Variants in PCGF2 observed in about 807,000 individuals in gnomAD.
PCGF2 encodes polycomb group ring finger 2.
PCGF2 carries 8 observed loss-of-function variants against 36.1 expected under a neutral mutation model. The observed-to-expected ratio is 0.22, with a 90% CI of 0.13 to 0.40. The LOEUF is 0.40. Ranked by LOEUF, PCGF2 falls within the 10% of genes least tolerant of loss-of-function variation. The pLI, the probability that PCGF2 is intolerant of heterozygous loss-of-function variation, is 1.00. For synonymous variants in PCGF2, 198 were observed against 191.2 expected, an observed-to-expected ratio of 1.04 and a Z score of -0.29; for missense variants, 436 against 475.9, an observed-to-expected ratio of 0.92 and a Z score of 0.78.
Position 38,735,541 on chromosome 17 carries a change from G to T in PCGF2, c.717C>A (p.Ala239=). 6.3e-7 allele frequency: 1 copy of T among 1,588,566 alleles called. No homozygotes were observed. The highest frequency in any genetic ancestry group is 2.3e-5 in the East Asian group (1 of 43,656). The change falls in exon 11 of 11, where the codon GCC becomes GCA. Residue 239 remains alanine (A), a synonymous_variant. Transcript: ENST00000620225. The stretch of plus-strand genomic sequence containing the variant: ...TGCCCTCGGAGGGGGTGGGCACCGT[G>T]GCTAGGGTGAGCCGCTTGCAGGCTG... ...VQPACKRLTL[A]TVPTPSEGTN...
intron 8 of PCGF2, 21 bp from the exon 9 acceptor site, chr17:38,738,469 A>C: frequency 6.2e-7 from 1 of 1,613,696 alleles, no homozygotes; most frequent in Middle Eastern, 1.6e-4. Flanking sequence ...ACAGGCACCC[A>C]TGGTAGGGGA....
chr17:38,742,599 C>G (rs1038658664), intron 2 of PCGF2, among the ~76,000 whole-genome samples: 8 of 152,128 alleles, frequency 5.3e-5, no homozygotes, highest in African/African-American at 1.4e-4. Flanking sequence ...TCCCACCCCA[C>G]GCAGGGTGGC....
chr17:38,749,458 G>A (rs1907780060), upstream of PCGF2: 2 of 359,044 alleles, frequency 5.6e-6, no homozygotes, highest in Admixed American at 3.0e-5. This position sits in a 1 kb window ranked among gnomAD's most constrained non-coding sequence, Gnocchi z 6.5. Flanking sequence ...GGCCGACGCC[G>A]GGGAAGCGAA....
At chr17:38,737,547 A>G (rs542531785) in intron 9 of PCGF2, among the ~76,000 whole-genome samples, 2 of 152,234 alleles carry the variant, frequency 1.3e-5, no homozygotes, top group Non-Finnish European at 2.9e-5. Context: ...ATGAGATTTA[A>G]CAGGCAACAG....
At chr17:38,743,426 G>GC in intron 2 of PCGF2, among the ~76,000 whole-genome samples, 1 of 151,682 alleles carries the variant, frequency 6.6e-6, no homozygotes, top group East Asian at 1.9e-4. Flanking sequence ...ACAGCCGAGA[G>GC]CCCCACACTG....
rs1172983036 is a variant in PCGF2 at position 38,739,518 on chromosome 17, A to T, written c.209+68T>A. ...GCCGCCTTGGCTGAAGGAAGCACGG[A>T]GCGTGGGAGGGATGGGGGAGGCTGA... On this transcript the variant is annotated intron_variant, in intron 4 of 10. Coordinates refer to ENST00000620225, the MANE Select transcript of PCGF2 (RefSeq NM_007144.3). This position sits in a 1 kb window ranked among gnomAD's most constrained non-coding sequence, Gnocchi z 4.0. 1 of 1,247,930 alleles carries T rather than the reference A, an allele frequency of 8.0e-7. No homozygotes were observed. The allele number at this position is 1,247,930 out of a possible 1,614,324, so 77.3% of individuals were successfully genotyped here. A position where few individuals can be genotyped will look rare whatever the true frequency, so the allele number is the denominator to read the frequency against.
intron 2 of PCGF2, among the ~76,000 whole-genome samples, chr17:38,745,528 A>G (rs562713567): frequency 8.5e-5 from 13 of 152,296 alleles, no homozygotes; most frequent in African/African-American, 2.6e-4. Context: ...GAAAAAGAAA[A>G]AGAAGCACCT....
upstream of PCGF2, chr17:38,749,484 TGGA>T: frequency 2.5e-6 from 1 of 393,812 alleles, no homozygotes; most frequent in Non-Finnish European, 5.3e-6. The surrounding 1 kb of genome is among the most constrained non-coding windows in gnomAD (Gnocchi z 6.5). Flanking sequence ...ACTGCGTTAC[TGGA>T]CGCCCGTGGG....
chr17:38,737,056 G>A (rs1245357312), intron 9 of PCGF2, among the ~76,000 whole-genome samples: 3 of 151,950 alleles, frequency 2.0e-5, no homozygotes, highest in Non-Finnish European at 2.9e-5. Context: ...GCTTGAGCCC[G>A]GGGGGTCAGC....
rs559419699 is a variant in PCGF2 at position 38,741,109 on chromosome 17, C to T, written c.-40-667G>A. ...TTTAAAACTCTTTCCAATCCCAAGT[C>T]GGGCACAGTGGCTCATGTCTGTAAT... On this transcript the variant is annotated intron_variant, in intron 2 of 10. Transcript: ENST00000620225. Among the ~76,000 whole-genome samples the T allele has an allele frequency of 9.2e-5, 14 of 151,904 alleles. No homozygotes were observed. In the South Asian group the frequency reaches 2.5e-3, roughly 27 times the overall value.
chr17:38,740,506 T>G, intron 2 of PCGF2, 64 bp from the exon 3 acceptor site: 1 of 1,270,040 alleles, frequency 7.9e-7, no homozygotes, highest in Admixed American at 2.4e-5. Flanking sequence ...ACGCCTGTAA[T>G]CCCAGCACTT....
At chr17:38,741,453 C>G (rs1305001885) in intron 2 of PCGF2, among the ~76,000 whole-genome samples, 1 of 152,078 alleles carries the variant, frequency 6.6e-6, no homozygotes, top group Non-Finnish European at 1.5e-5. Flanking sequence ...CACCCAGGTG[C>G]AGGGCCTCAG....
chr17:38,747,645 A>G (rs1907624172), intron 2 of PCGF2, among the ~76,000 whole-genome samples: 1 of 152,018 alleles, frequency 6.6e-6, no homozygotes, highest in East Asian at 1.9e-4. Context: ...CCGGCGGGGA[A>G]GGGCGCCCTC....
At position 38,740,447 on chromosome 17, in the gene PCGF2, G is replaced by A. The variant is rs772363419; in HGVS notation, c.-40-5C>T. 1.2e-5 allele frequency: 19 copies of A among 1,535,608 alleles called. No individual in the cohort carries two copies. Among genetic ancestry groups the A allele is most frequent in the South Asian group, 5.7e-5 (5 of 86,992 alleles). On this transcript the variant is annotated splice_region_variant and splice_polypyrimidine_tract_variant and intron_variant, in intron 2 of 10. Coordinates refer to ENST00000620225, the MANE Select transcript of PCGF2 (RefSeq NM_007144.3). Reference sequence around the variant, plus strand: ...GGGGGACTGGGGAGCGTTGCCCTGGGAAACGGAAGTGGAATCAGAAACCCA... The same window carrying A: ...GGGGGACTGGGGAGCGTTGCCCTGGAAAACGGAAGTGGAATCAGAAACCCA...
chr17:38,742,719 C>T (rs1907281709), intron 2 of PCGF2, among the ~76,000 whole-genome samples: 1 of 152,182 alleles, frequency 6.6e-6, no homozygotes, highest in Non-Finnish European at 1.5e-5. Flanking sequence ...GCAAGATGCC[C>T]AAATATTATT....
intron 2 of PCGF2, among the ~76,000 whole-genome samples, chr17:38,742,444 C>T (rs997628597): frequency 2.6e-5 from 4 of 152,102 alleles, no homozygotes; most frequent in East Asian, 1.9e-4. Context: ...GGCCAGAGAC[C>T]GAAAGAGATG....
intron 2 of PCGF2, among the ~76,000 whole-genome samples, chr17:38,741,655 T>C (rs1189110629): frequency 6.6e-6 from 1 of 152,046 alleles, no homozygotes; most frequent in Non-Finnish European, 1.5e-5. Context: ...CTGCCAAATA[T>C]AGGCTGCTCC....
intron 7 of PCGF2, 38 bp downstream of exon 7, chr17:38,738,715 C>G: frequency 6.3e-7 from 1 of 1,584,802 alleles, no homozygotes. Context: ...GTTACCCAGA[C>G]TAGGAACCCA....
rs373711829 is a variant in PCGF2, at chr17:38,738,865, C to T, written c.317-4G>A. On this transcript the variant is annotated splice_polypyrimidine_tract_variant and splice_region_variant and intron_variant, in intron 6 of 10. Coordinates refer to ENST00000620225, the MANE Select transcript of PCGF2 (RefSeq NM_007144.3). Reference sequence around the variant, plus strand: ...TCCTCATTGGAGCCGTTGGGGACTGCAGAAGGAAAGAGCTCTCGGGTTGGC... The same window carrying T: ...TCCTCATTGGAGCCGTTGGGGACTGTAGAAGGAAAGAGCTCTCGGGTTGGC... 4.3e-6 allele frequency: 7 copies of T among 1,612,196 alleles called. No individual in the cohort carries two copies. Among genetic ancestry groups the T allele is most frequent in the Non-Finnish European group, 5.9e-6 (7 of 1,178,580 alleles).
Sources: gnomAD v4.1 joint callset for allele counts (sites outside exome capture counted in the v4.1 genomes callset) on GRCh38, gnomAD v4.1.1 for gene constraint, Gnocchi (gnomAD v3.1) non-coding constraint, MANE v1.5 for transcripts, NCBI Gene and HGNC (gene_info 2026-07-23, HGNC 2026-07-21) for gene names.